NUDT5: variants seen among roughly 807,000 people sequenced by gnomAD.
NUDT5 encodes the protein nudix hydrolase 5, also known as ADP-sugar pyrophosphatase.
Under a neutral mutation model 34.1 loss-of-function variants are expected in NUDT5, and 21 were observed. The ratio of observed to expected loss-of-function variants is 0.62; its 90% CI spans 0.44 to 0.89. The LOEUF is 0.89. Among genes scored for constraint, NUDT5 ranks in the 40% least tolerant of loss-of-function variants. NUDT5 has a pLI of 0.00. For synonymous variants in NUDT5, 85 were observed against 97.6 expected (o/e 0.87, Z 0.76); for missense variants, 249 against 274.8 (o/e 0.91, Z 0.66).
chr10:12,170,627 A>C lies in NUDT5; in HGVS notation c.550+90T>G. ...TTGACTTTAGTGATACAAAAAAGAT[A>C]AAGAAATGGAGTTATATTTAGTACC... On this transcript the variant is annotated intron_variant, in intron 9 of 9. Coordinates refer to ENST00000491614, the MANE Select transcript of NUDT5 (RefSeq NM_014142.4). This position sits in a 1 kb window ranked among gnomAD's most constrained non-coding sequence, Gnocchi z 4.9. 8.3e-7 allele frequency: 1 copy of C among 1,202,612 alleles called. No individual in the cohort carries two copies. Among genetic ancestry groups the C allele is most frequent in the Middle Eastern group, 2.7e-4 (1 of 3,672 alleles). The allele number at this position is 1,202,612 out of a possible 1,614,324, so 74.5% of individuals were successfully genotyped here. A position where few individuals can be genotyped will look rare whatever the true frequency, so the allele number is the denominator to read the frequency against.
intron 1 of NUDT5, among the ~76,000 whole-genome samples, chr10:12,194,635 A>G (rs1835298141): frequency 6.6e-6 from 1 of 152,214 alleles, no homozygotes. Context: ...ACAACCCAAA[A>G]CAATGTATAT....
Position 12,169,287 on chromosome 10 carries a change from G to A in NUDT5, c.550+1430C>T. The A allele has an allele frequency of 6.4e-7, 1 of 1,554,616 alleles. No homozygotes were observed. The highest frequency in any genetic ancestry group is 8.7e-7 in the Non-Finnish European group (1 of 1,148,008). ...AAAGTGAAGTTAAGAAGGTGGAAGG[G>A]AGAAGGAAGACATTTTACAAAAAGG... On this transcript the variant is annotated intron_variant, in intron 9 of 9. Coordinates refer to ENST00000491614, the MANE Select transcript of NUDT5 (RefSeq NM_014142.4). The surrounding 1 kb of genome is among the most constrained non-coding windows in gnomAD (Gnocchi z 4.8).
Position 12,170,024 on chromosome 10 carries a change from A to C in NUDT5, c.550+693T>G. On this transcript the variant is annotated intron_variant, in intron 9 of 9. Transcript: ENST00000491614. This position sits in a 1 kb window ranked among gnomAD's most constrained non-coding sequence, Gnocchi z 4.9. ...CAGCCCATACAGAGGTGCTCCTTGAAGGGCCCATGGTATGTCTCCATACAG... is the reference window on the plus strand; with the variant it reads ...CAGCCCATACAGAGGTGCTCCTTGACGGGCCCATGGTATGTCTCCATACAG... The C allele has an allele frequency of 3.8e-5, 46 of 1,223,100 alleles. No individual in the cohort carries two copies. Among genetic ancestry groups the C allele is most frequent in the Non-Finnish European group, 4.8e-5 (40 of 838,986 alleles). 75.8% of individuals were successfully genotyped at this position (1,223,100 alleles called of 1,614,324 possible).
intron 5 of NUDT5, among the ~76,000 whole-genome samples, chr10:12,177,153 TG>T (rs1256616344): frequency 6.7e-6 from 1 of 149,376 alleles, no homozygotes; most frequent in Non-Finnish European, 1.5e-5. Context: ...TACTTATCAT[TG>T]GAAATTTCCA....
chr10:12,168,100 C>T lies in NUDT5; in HGVS notation c.551-289G>A, dbSNP rs921900804. Among the ~76,000 whole-genome samples, 3 of 151,908 alleles carry T rather than the reference C, an allele frequency of 2.0e-5. No individual in the cohort carries two copies. Among genetic ancestry groups the T allele is most frequent in the South Asian group, 2.1e-4 (1 of 4,820 alleles). ...AGGGCAATGGCGTGATCTCGGCTCA[C>T]TGCAACCTCTGCCTCCTGGGTTTAA... On this transcript the variant is annotated intron_variant, in intron 9 of 9. Transcript: ENST00000491614. This position sits in a 1 kb window ranked among gnomAD's most constrained non-coding sequence, Gnocchi z 4.8.
intron 3 of NUDT5, among the ~76,000 whole-genome samples, chr10:12,183,382 A>G (rs1243270312): frequency 6.6e-6 from 1 of 152,150 alleles, no homozygotes; most frequent in Non-Finnish European, 1.5e-5. Context: ...CTATCTCTTA[A>G]CATGTTTCCT....
chr10:12,179,028 C>T (rs377272433), intron 4 of NUDT5, 55 bp downstream of exon 4: 64 of 1,440,144 alleles, frequency 4.4e-5, no homozygotes, highest in Non-Finnish European at 6.0e-5. Flanking sequence ...AACCCTCTTA[C>T]GATCACAAGT....
rs151084347 is a variant in NUDT5, at chr10:12,168,930, T to C, written c.551-1119A>G. Among the ~76,000 whole-genome samples the C allele has an allele frequency of 0.016, 2,487 of 152,038 alleles. 66 individuals are homozygous for C. The highest frequency in any genetic ancestry group is 0.057 in the African/African-American group (2,371 of 41,456). Reference sequence around the variant, plus strand: ...GGCATGTACCACCATGCCTGGCTAATTTTTGTATTTTTAGTAGAGATGGGG... The same window carrying C: ...GGCATGTACCACCATGCCTGGCTAACTTTTGTATTTTTAGTAGAGATGGGG... On this transcript the variant is annotated intron_variant, in intron 9 of 9. Coordinates refer to ENST00000491614, the MANE Select transcript of NUDT5 (RefSeq NM_014142.4). This position sits in a 1 kb window ranked among gnomAD's most constrained non-coding sequence, Gnocchi z 4.8.
Position 12,166,511 on chromosome 10 carries a change from T to TA in NUDT5, c.*1190dup, listed in dbSNP as rs1209883069. ...TGTAAAGATCTTACAGTTTCACTCATAAAAATATCCTGGGCTCAGACAGTG... is the reference window on the plus strand; with the variant it reads ...TGTAAAGATCTTACAGTTTCACTCATAAAAAATATCCTGGGCTCAGACAGTG... On this transcript the variant is annotated 3_prime_UTR_variant, in exon 10 of 10. Coordinates refer to ENST00000491614, the MANE Select transcript of NUDT5 (RefSeq NM_014142.4). 4 of 287,656 alleles carry TA rather than the reference T, an allele frequency of 1.4e-5. No individual in the cohort carries two copies. The highest frequency in any genetic ancestry group is 6.6e-5 in the African/African-American group (3 of 45,548). 17.8% of individuals were successfully genotyped at this position (287,656 alleles called of 1,614,324 possible).
In NUDT5 at chr10:12,169,457, T is replaced by C. The variant is rs1834801643; in HGVS notation, c.550+1260A>G. 3.1e-6 allele frequency: 2 copies of C among 645,388 alleles called. No homozygotes were observed. The highest frequency in any genetic ancestry group is 3.1e-5 in the Admixed American group (1 of 32,428). 40.0% of individuals were successfully genotyped at this position (645,388 alleles called of 1,614,324 possible). On this transcript the variant is annotated intron_variant, in intron 9 of 9. Transcript: ENST00000491614. The surrounding 1 kb of genome is among the most constrained non-coding windows in gnomAD (Gnocchi z 4.8). ...GAGAGAGGCTACAGAACCTGTTTGA[T>C]GTGATAGCTAATTATGGTCCGCGGA...
intron 5 of NUDT5, among the ~76,000 whole-genome samples, chr10:12,174,046 T>C (rs1834906982): frequency 6.6e-6 from 1 of 151,986 alleles, no homozygotes; most frequent in Admixed American, 6.6e-5. Context: ...TTTTGTATTT[T>C]TAGTAGAGAT....
chr10:12,169,523 C>T lies in NUDT5; in HGVS notation c.550+1194G>A. The T allele has an allele frequency of 2.0e-6, 1 of 504,564 alleles. No homozygotes were observed. 31.3% of individuals were successfully genotyped at this position (504,564 alleles called of 1,614,324 possible). A position where few individuals can be genotyped will look rare whatever the true frequency, so the allele number is the denominator to read the frequency against. On this transcript the variant is annotated intron_variant, in intron 9 of 9. Coordinates refer to ENST00000491614, the MANE Select transcript of NUDT5 (RefSeq NM_014142.4). The surrounding 1 kb of genome is among the most constrained non-coding windows in gnomAD (Gnocchi z 4.8). ...GGGCCTGTGACTCCGAGCTGCGCTG[C>T]CTCGTATTGATTGTCATGCCTTTCT...
At chr10:12,195,233 A>G (rs1285277407) in intron 1 of NUDT5, among the ~76,000 whole-genome samples, 1 of 152,224 alleles carries the variant, frequency 6.6e-6, no homozygotes, top group Non-Finnish European at 1.5e-5. Context: ...TTGCTGGGTG[A>G]CAGGAGTGAA....
chr10:12,188,381 C>T (rs1463912731), intron 1 of NUDT5, among the ~76,000 whole-genome samples: 4 of 152,178 alleles, frequency 2.6e-5, no homozygotes, highest in African/African-American at 9.7e-5. Flanking sequence ...GATTGACTAT[C>T]ATAGGTAACC....
At position 12,190,606 on chromosome 10, in the gene NUDT5, C is replaced by CTT. The variant is rs1013405393; in HGVS notation, c.-41-4276_-41-4275dup. Among the ~76,000 whole-genome samples the CTT allele has an allele frequency of 6.6e-4, 85 of 127,966 alleles. 1 individual carries two copies. Among genetic ancestry groups the CTT allele is most frequent in the African/African-American group, 1.2e-3 (41 of 33,160 alleles). The allele number at this position is 127,966 out of a possible 152,430, so 84.0% of individuals were successfully genotyped here. A position where few individuals can be genotyped will look rare whatever the true frequency, so the allele number is the denominator to read the frequency against. On this transcript the variant is annotated intron_variant, in intron 1 of 9. Coordinates refer to ENST00000491614, the MANE Select transcript of NUDT5 (RefSeq NM_014142.4). The stretch of plus-strand genomic sequence containing the variant: ...GAGGCAGTGAGGAAAATGATAAAGC[C>CTT]TTTTTTTTTTTTTTTTTTTTGAGAC...
At chr10:12,188,856 T>C (rs1835173489) in intron 1 of NUDT5, among the ~76,000 whole-genome samples, 1 of 151,550 alleles carries the variant, frequency 6.6e-6, no homozygotes, top group African/African-American at 2.4e-5. Flanking sequence ...GTCAAGTGAC[T>C]CAGCGTTTCA....
chr10:12,191,800 G>A (rs1185460826), intron 1 of NUDT5, among the ~76,000 whole-genome samples: 1 of 152,214 alleles, frequency 6.6e-6, no homozygotes, highest in African/African-American at 2.4e-5. Context: ...AAGGGAGGAA[G>A]TGATTAATTT....
Position 12,166,233 on chromosome 10 carries a change from C to T in NUDT5, c.*1469G>A, listed in dbSNP as rs1834686904. The T allele has an allele frequency of 6.5e-6, 1 of 153,062 alleles. No individual in the cohort carries two copies. Among genetic ancestry groups the T allele is most frequent in the Non-Finnish European group, 1.5e-5 (1 of 68,674 alleles). 9.5% of individuals were successfully genotyped at this position (153,062 alleles called of 1,614,324 possible). On this transcript the variant is annotated 3_prime_UTR_variant, in exon 10 of 10. Transcript: ENST00000491614. ...GGCTATGTGGAAAGACTGGGCTGCG[C>T]CCGTCTACGGATGCCTTCTCTCTTG...
At chr10:12,192,724 G>A (rs1303353853) in intron 1 of NUDT5, among the ~76,000 whole-genome samples, 1 of 152,036 alleles carries the variant, frequency 6.6e-6, no homozygotes, top group Non-Finnish European at 1.5e-5. Flanking sequence ...GGTGGCACAC[G>A]CCAGTAGTCC....
Sources: allele counts gnomAD v4.1 joint callset (sites outside exome capture counted in the v4.1 genomes callset), GRCh38; gene constraint gnomAD v4.1.1; non-coding constraint Gnocchi (gnomAD v3.1); transcripts MANE v1.5; gene names NCBI Gene and HGNC (gene_info 2026-07-23, HGNC 2026-07-21).